The following SLC37A2 variants were observed in gnomAD, a reference collection of about 807,000 sequenced individuals.
SLC37A2 encodes the protein glucose-6-phosphate exchanger SLC37A2.
Under a neutral mutation model 70.7 loss-of-function variants are expected in SLC37A2, and 59 were observed. The observed-to-expected ratio is 0.83, with a 90% confidence interval of 0.68 to 1.04. The LOEUF is 1.04. SLC37A2 is among the 50% of genes least tolerant of loss of function. The pLI is 0.00. For missense variants in SLC37A2, 580 were observed against 658.1 expected, an observed-to-expected ratio of 0.88 and a Z score of 1.30; for synonymous variants, 257 against 262.1, an observed-to-expected ratio of 0.98 and a Z score of 0.19.
Position 125,076,826 on chromosome 11 carries a change from C to A in SLC37A2, c.129C>A (p.Ile43=), listed in dbSNP as rs112732048. 16 of 1,614,164 alleles carry A rather than the reference C, an allele frequency of 9.9e-6. No individual in the cohort carries two copies. The African/African-American group carries it at 1.6e-4, about 16-fold the overall frequency. Residue 43 remains isoleucine, a synonymous_variant, in exon 2 of 18, where the codon ATC becomes ATA. Transcript: ENST00000403796. ...YACYHMSRKP[I]SIVKSRLHQN... is the part of the protein sequence containing the mutation. ...GCTATCACATGTCCAGGAAGCCTAT[C>A]AGTATCGTCAAGGTGAGGCTGGCTG...
At chr11:125,073,467 C>T (rs1216143253) in intron 1 of SLC37A2, among the ~76,000 whole-genome samples, 2 of 152,248 alleles carry the variant, frequency 1.3e-5, no homozygotes, top group Non-Finnish European at 2.9e-5. Context: ...CTACTCGGCT[C>T]CCCTAACAGA....
intron 12 of SLC37A2, 46 bp from the exon 13 acceptor site, chr11:125,084,779 G>T: frequency 6.2e-7 from 1 of 1,602,050 alleles, no homozygotes; most frequent in South Asian, 1.1e-5. Context: ...CTCCAGGCCA[G>T]CAAAGGGATT....
intron 1 of SLC37A2, among the ~76,000 whole-genome samples, chr11:125,072,025 G>A (rs1402015331): frequency 6.6e-6 from 1 of 151,986 alleles, no homozygotes; most frequent in Non-Finnish European, 1.5e-5. Context: ...AGCCTAGCCT[G>A]GGACTGGGGA....
chr11:125,086,288 C>A, intron 17 of SLC37A2: 1 of 1,553,880 alleles, frequency 6.4e-7, no homozygotes, highest in South Asian at 1.1e-5. Flanking sequence ...GTCTGTGACT[C>A]GAGTGCCATT....
In SLC37A2 at chr11:125,085,590, G is replaced by T; in HGVS notation, c.1341G>T (p.Gly447=). 6.2e-7 allele frequency: 1 copy of T among 1,613,846 alleles called. No homozygotes were observed. The change falls in exon 16 of 18, where the codon GGG becomes GGT. Residue 447 remains glycine, a synonymous_variant. Transcript: ENST00000403796. ...TGCTCCATTCAGGTGCGGCTCTGGG[G>T]CCTCTGCTGGCTGGGCTCATCTCCC... The part of the protein sequence containing the change: ...DGTGSIGAAL[G]PLLAGLISPT...
chr11:125,072,149 CT>C (rs1413096993), intron 1 of SLC37A2, among the ~76,000 whole-genome samples: 2 of 151,964 alleles, frequency 1.3e-5, no homozygotes, highest in Non-Finnish European at 2.9e-5. Flanking sequence ...GGCAGTCGGT[CT>C]TTTGGGGGTT....
chr11:125,079,849 G>A (rs1949128546), intron 6 of SLC37A2, 89 bp downstream of exon 6: 1 of 1,047,690 alleles, frequency 9.5e-7, no homozygotes, highest in African/African-American at 1.6e-5. Context: ...TAATTTCAGA[G>A]GGAAGGGTCA....
chr11:125,086,750 G>C (rs1489982089), intron 17 of SLC37A2: 6 of 216,552 alleles, frequency 2.8e-5, no homozygotes, highest in Non-Finnish European at 5.6e-5. Flanking sequence ...AGTGGCTGAG[G>C]CTACACAGTG....
rs1255067853 is a variant in SLC37A2, at chr11:125,081,742, T to C, written c.733-12T>C. The C allele has an allele frequency of 5.7e-6, 9 of 1,566,380 alleles. No individual in the cohort carries two copies. Among genetic ancestry groups the C allele is most frequent in the Non-Finnish European group, 6.9e-6 (8 of 1,154,418 alleles). ...GGACGCACCCACAGCAGGGCTCATC[T>C]CCTCTGCTCAGGGTGAGCCAGCTGA... On this transcript the variant is annotated splice_polypyrimidine_tract_variant and intron_variant, in intron 8 of 17. Transcript: ENST00000403796.
chr11:125,084,398 A>G, intron 12 of SLC37A2, 79 bp downstream of exon 12: 1 of 1,353,942 alleles, frequency 7.4e-7, no homozygotes, highest in Non-Finnish European at 1.1e-6. Flanking sequence ...GTGCACGTCC[A>G]CGCGTTACAC....
At chr11:125,072,369 G>T (rs1024890372) in intron 1 of SLC37A2, among the ~76,000 whole-genome samples, 3 of 152,154 alleles carry the variant, frequency 2.0e-5, no homozygotes, top group Non-Finnish European at 4.4e-5. Flanking sequence ...CCAGTATCCG[G>T]TGGGGGGGAG....
At chr11:125,068,466 A>G (rs1949001311) in intron 1 of SLC37A2, among the ~76,000 whole-genome samples, 1 of 152,168 alleles carries the variant, frequency 6.6e-6, no homozygotes, top group Admixed American at 6.5e-5. Flanking sequence ...ACAGGGTTCT[A>G]CCTTCTTGGA....
intron 1 of SLC37A2, among the ~76,000 whole-genome samples, chr11:125,068,062 G>C (rs1948998325): frequency 1.3e-5 from 2 of 152,144 alleles, no homozygotes; most frequent in South Asian, 4.1e-4. Flanking sequence ...TGGCATTCTA[G>C]AAGGGCTCAG....
At chr11:125,084,016 C>A in intron 11 of SLC37A2, 139 bp downstream of exon 11, 1 of 975,970 alleles carries the variant, frequency 1.0e-6, no homozygotes, top group South Asian at 1.4e-5. Flanking sequence ...TTATTCTCAG[C>A]TCTGATCCTG....
chr11:125,086,282 G>T (rs1949214520), intron 17 of SLC37A2: 1 of 1,556,824 alleles, frequency 6.4e-7, no homozygotes, highest in Non-Finnish European at 8.9e-7. Flanking sequence ...CTTCGAGTCT[G>T]TGACTCGAGT....
In SLC37A2 at chr11:125,088,099, C is replaced by T. The variant is rs1457729246; in HGVS notation, c.1491-20C>T. 6.4e-7 allele frequency: 1 copy of T among 1,551,750 alleles called. No individual in the cohort carries two copies. The highest frequency in any genetic ancestry group is 8.7e-7 in the Non-Finnish European group (1 of 1,147,034). On this transcript the variant is annotated intron_variant, in intron 17 of 17. Transcript: ENST00000403796. ...AGTCATCTCACTTTCTCTTCTGTCC[C>T]CCCTCTCCTCTTCATGCAGGTATAA...
Position 125,083,519 on chromosome 11 carries a change from C to A in SLC37A2, c.977-296C>A. The A allele has an allele frequency of 2.9e-6, 1 of 347,988 alleles. No homozygotes were observed. The highest frequency in any genetic ancestry group is 5.3e-6 in the Non-Finnish European group (1 of 186,926). The allele number at this position is 347,988 out of a possible 1,614,324, so 21.6% of individuals were successfully genotyped here. A position where few individuals can be genotyped will look rare whatever the true frequency, so the allele number is the denominator to read the frequency against. On this transcript the variant is annotated intron_variant, in intron 10 of 17. Transcript: ENST00000403796. The surrounding 1 kb of genome is among the most constrained non-coding windows in gnomAD (Gnocchi z 4.6). The stretch of plus-strand genomic sequence containing the variant: ...GGTTGCGCTCCAGGGGAAAGGTGGC[C>A]ACGGGACAGCAGGCTCGGGGGCCAG...
intron 1 of SLC37A2, among the ~76,000 whole-genome samples, chr11:125,064,469 CT>C (rs1337081564): frequency 1.3e-5 from 2 of 152,132 alleles, no homozygotes; most frequent in African/African-American, 4.8e-5. Flanking sequence ...AGGGCAGGTG[CT>C]ATTAAAGTGG....
intron 4 of SLC37A2, 114 bp downstream of exon 4, chr11:125,077,642 C>T: frequency 2.7e-6 from 2 of 731,884 alleles, no homozygotes; most frequent in Non-Finnish European, 4.4e-6. Context: ...CATGTACAAT[C>T]CACCCACAGC....
Sources: gnomAD v4.1 joint callset for allele counts (sites outside exome capture counted in the v4.1 genomes callset) on GRCh38, gnomAD v4.1.1 for gene constraint, Gnocchi (gnomAD v3.1) non-coding constraint, MANE v1.5 for transcripts, NCBI Gene and HGNC (gene_info 2026-07-23, HGNC 2026-07-21) for gene names.